Variants in ANKS1B observed in about 807,000 individuals in gnomAD.
The protein encoded by ANKS1B is ankyrin repeat and sterile alpha motif domain containing 1B.
A neutral mutation model predicts 148.3 loss-of-function variants in ANKS1B; 36 were observed. The observed-to-expected ratio is 0.24, with a 90% CI of 0.19 to 0.32. The LOEUF (loss-of-function observed/expected upper bound fraction) is 0.32, where lower values mean the gene tolerates loss of function less well. ANKS1B is among the 10% of genes least tolerant of loss of function. The pLI is 1.00. For synonymous variants in ANKS1B, 542 were observed against 560.8 expected, an observed-to-expected ratio of 0.97 and a Z score of 0.47; for missense variants, 1,157 against 1,542.6, an observed-to-expected ratio of 0.75 and a Z score of 4.19.
At chr12:99,702,165 T>C (rs1384550693) in intron 8 of ANKS1B, among the ~76,000 whole-genome samples, 3 of 152,150 alleles carry the variant, frequency 2.0e-5, no homozygotes, top group South Asian at 2.1e-4. Flanking sequence ...CAATGGTGTA[T>C]GAGTTTTCCC....
chr12:99,406,692 A>G (rs2094539315), intron 11 of ANKS1B, among the ~76,000 whole-genome samples: 1 of 146,404 alleles, frequency 6.8e-6, no homozygotes, highest in South Asian at 2.1e-4. Flanking sequence ...GATAAAATTG[A>G]AACAAAGAAA....
intron 1 of ANKS1B, among the ~76,000 whole-genome samples, chr12:99,851,038 T>A (rs1025045977): frequency 1.3e-5 from 2 of 152,114 alleles, no homozygotes; most frequent in Non-Finnish European, 2.9e-5. Context: ...TAGATCTCCA[T>A]AACATGAAAA....
At chr12:99,665,753 T>G (rs1418613822) in intron 8 of ANKS1B, among the ~76,000 whole-genome samples, 1 of 152,228 alleles carries the variant, frequency 6.6e-6, no homozygotes, top group Non-Finnish European at 1.5e-5. Context: ...CCCAAAGTGC[T>G]GCGATTACAA....
At chr12:99,603,234 T>C (rs1207061730) in intron 9 of ANKS1B, among the ~76,000 whole-genome samples, 1 of 152,062 alleles carries the variant, frequency 6.6e-6, no homozygotes, top group African/African-American at 2.4e-5. Flanking sequence ...AATTTTCAAT[T>C]AGGAATCTCA....
At chr12:99,694,567 A>C (rs2053615509) in intron 8 of ANKS1B, among the ~76,000 whole-genome samples, 1 of 152,182 alleles carries the variant, frequency 6.6e-6, no homozygotes, top group Admixed American at 6.6e-5. Flanking sequence ...AAAGATAAAT[A>C]AAACCTCAGC....
At chr12:99,701,458 G>A (rs1344099934) in intron 8 of ANKS1B, among the ~76,000 whole-genome samples, 1 of 151,854 alleles carries the variant, frequency 6.6e-6, no homozygotes, top group Non-Finnish European at 1.5e-5. Context: ...TTTTATACAA[G>A]CATACAATGT....
intron 17 of ANKS1B, among the ~76,000 whole-genome samples, chr12:98,852,349 A>T (rs2099533745): frequency 6.6e-6 from 1 of 152,150 alleles, no homozygotes. Flanking sequence ...GTTGGTGAGT[A>T]CCAGATGTAG....
chr12:98,800,608 G>C (rs1262775972), intron 21 of ANKS1B, among the ~76,000 whole-genome samples: 1 of 149,988 alleles, frequency 6.7e-6, no homozygotes, highest in Non-Finnish European at 1.5e-5. Context: ...ACAGTGAAAA[G>C]AATCTGGTAT....
chr12:98,917,431 A>T (rs2099795900), intron 17 of ANKS1B, among the ~76,000 whole-genome samples: 1 of 152,146 alleles, frequency 6.6e-6, no homozygotes, highest in African/African-American at 2.4e-5. Context: ...TCATTGCCTC[A>T]AAGTCCCAGC....
chr12:99,256,643 T>C (rs1478803088), intron 12 of ANKS1B, among the ~76,000 whole-genome samples: 1 of 152,226 alleles, frequency 6.6e-6, no homozygotes, highest in Non-Finnish European at 1.5e-5. Flanking sequence ...AATTTTAGGT[T>C]GATAGTTATT....
intron 12 of ANKS1B, among the ~76,000 whole-genome samples, chr12:99,375,151 T>G (rs1359549605): frequency 6.6e-6 from 1 of 152,242 alleles, no homozygotes; most frequent in Non-Finnish European, 1.5e-5. Context: ...ATATCAGGGC[T>G]TCTTAACTTC....
At chr12:99,009,851 A>C (rs915940936) in intron 17 of ANKS1B, among the ~76,000 whole-genome samples, 56 of 148,636 alleles carry the variant, frequency 3.8e-4, no homozygotes, top group South Asian at 1.1e-3. Flanking sequence ...CAAAAAAAAA[A>C]AAACAAACAA....
At chr12:99,614,942 T>C (rs1385395958) in intron 9 of ANKS1B, among the ~76,000 whole-genome samples, 1 of 150,338 alleles carries the variant, frequency 6.7e-6, no homozygotes, top group African/African-American at 2.4e-5. Flanking sequence ...TAGAATGAAA[T>C]GAATCTCAAG....
intron 17 of ANKS1B, among the ~76,000 whole-genome samples, chr12:98,858,452 C>T (rs2099582859): frequency 6.6e-6 from 1 of 152,202 alleles, no homozygotes; most frequent in South Asian, 2.1e-4. Context: ...CAGCCATTCT[C>T]CCACCTCTGC....
At chr12:99,539,937 A>C (rs1430097165) in intron 9 of ANKS1B, among the ~76,000 whole-genome samples, 1 of 152,172 alleles carries the variant, frequency 6.6e-6, no homozygotes, top group Non-Finnish European at 1.5e-5. Flanking sequence ...ATATTCAAAG[A>C]CATTAATAGG....
chr12:99,352,318 C>T (rs573742980), intron 12 of ANKS1B, among the ~76,000 whole-genome samples: 1 of 151,944 alleles, frequency 6.6e-6, no homozygotes, highest in African/African-American at 2.4e-5. Flanking sequence ...TGAATGTGTA[C>T]GTTCTCATAA....
At chr12:99,693,747 C>T (rs543560503) in intron 8 of ANKS1B, among the ~76,000 whole-genome samples, 4 of 151,274 alleles carry the variant, frequency 2.6e-5, no homozygotes, top group African/African-American at 9.7e-5. Context: ...TGACTGGTTC[C>T]TACACACTGG....
At chr12:99,568,627 A>G in intron 9 of ANKS1B, among the ~76,000 whole-genome samples, 1 of 152,356 alleles carries the variant, frequency 6.6e-6, no homozygotes, top group East Asian at 1.9e-4. Context: ...ATATTTCTAT[A>G]AATTCTTATA....
intron 25 of ANKS1B, among the ~76,000 whole-genome samples, chr12:98,771,625 T>G (rs1386520206): frequency 6.6e-6 from 1 of 152,138 alleles, no homozygotes; most frequent in Non-Finnish European, 1.5e-5. Context: ...AGGCATGTGC[T>G]ATCACACCCA....
Sources: allele counts gnomAD v4.1 joint callset (sites outside exome capture counted in the v4.1 genomes callset), GRCh38; gene constraint gnomAD v4.1.1; transcripts MANE v1.5; gene names NCBI Gene and HGNC (gene_info 2026-07-23, HGNC 2026-07-21).